CMSS1: variants seen among roughly 807,000 people sequenced by gnomAD.
CMSS1 encodes cms1 ribosomal small subunit homolog.
CMSS1 carries 33 observed loss-of-function variants against 43.5 expected under a neutral mutation model. The ratio of observed to expected loss-of-function variants is 0.76; its 90% confidence interval spans 0.57 to 1.01. The LOEUF (loss-of-function observed/expected upper bound fraction) is 1.01, where lower values mean the gene tolerates loss of function less well. Among genes scored for constraint, CMSS1 ranks in the 50% least tolerant of loss-of-function variants. The pLI is 0.00. For synonymous variants in CMSS1, 115 were observed against 117.2 expected (o/e 0.98, Z 0.12); for missense variants, 313 against 326.4 (o/e 0.96, Z 0.32).
chr3:99,923,575 C>T (rs530880086), intron 1 of CMSS1, among the ~76,000 whole-genome samples: 1 of 152,202 alleles, frequency 6.6e-6, no homozygotes, highest in East Asian at 1.9e-4. Context: ...CGCACACCCC[C>T]CTCCCAACCT....
chr3:100,172,271 T>G (rs1156478560), intron 7 of CMSS1, 45 bp from the exon 8 acceptor site: 1 of 1,541,304 alleles, frequency 6.5e-7, no homozygotes, highest in Admixed American at 1.7e-5. Flanking sequence ...AGATAGCACT[T>G]TCTTAATGAC....
At chr3:100,176,300 C>G (rs371957308) in intron 8 of CMSS1, 27 bp from the exon 9 acceptor site, 2 of 1,492,558 alleles carry the variant, frequency 1.3e-6, no homozygotes, top group Non-Finnish European at 1.9e-6. Flanking sequence ...GTCTTTACTA[C>G]AGCAACTCTC....
chr3:100,057,832 T>C (rs2065491385), intron 1 of CMSS1, among the ~76,000 whole-genome samples: 1 of 152,194 alleles, frequency 6.6e-6, no homozygotes. Context: ...GTCACTGCCC[T>C]CATCCTTGTT....
At chr3:99,856,774 A>G (rs1943986172) in intron 1 of CMSS1, among the ~76,000 whole-genome samples, 1 of 152,200 alleles carries the variant, frequency 6.6e-6, no homozygotes, top group Non-Finnish European at 1.5e-5. Context: ...TTTTATTTGC[A>G]GACACATATA....
rs373761022 is a variant in CMSS1 at position 99,818,047 on chromosome 3, C to G, written c.64+4C>G. 3.6e-5 allele frequency: 58 copies of G among 1,613,202 alleles called. No individual in the cohort carries two copies. Among genetic ancestry groups the G allele is most frequent in the Non-Finnish European group, 4.7e-5 (55 of 1,179,724 alleles). The stretch of plus-strand genomic sequence containing the variant: ...ACTGGAGCAGGCAGCAGCCCAGGTA[C>G]CCACTCTGTGCCCGCGCTCCTACGG... On this transcript the variant is annotated splice_donor_region_variant and intron_variant, in intron 1 of 9. Coordinates refer to ENST00000421999, the MANE Select transcript of CMSS1 (RefSeq NM_032359.4).
At chr3:100,001,973 A>G (rs947800999) in intron 1 of CMSS1, among the ~76,000 whole-genome samples, 2 of 152,156 alleles carry the variant, frequency 1.3e-5, no homozygotes, top group African/African-American at 2.4e-5. Context: ...GGGCTTGTCC[A>G]TATCCCCCCC....
At chr3:100,102,911 C>T (rs752584208) in intron 1 of CMSS1, among the ~76,000 whole-genome samples, 5 of 152,184 alleles carry the variant, frequency 3.3e-5, no homozygotes, top group Non-Finnish European at 4.4e-5. Context: ...TTTCCATCTA[C>T]CACTAAGTTC....
chr3:100,032,896 C>G (rs1432325032), intron 1 of CMSS1, among the ~76,000 whole-genome samples: 2 of 151,996 alleles, frequency 1.3e-5, no homozygotes, highest in Admixed American at 6.6e-5. Flanking sequence ...TACATTTATT[C>G]CCTGCAACAA....
intron 1 of CMSS1, among the ~76,000 whole-genome samples, chr3:100,070,974 A>G (rs1481091697): frequency 2.0e-5 from 3 of 151,892 alleles, no homozygotes; most frequent in African/African-American, 7.3e-5. Flanking sequence ...AATTCTCACT[A>G]TGTAATGCCC....
intron 2 of CMSS1, among the ~76,000 whole-genome samples, chr3:100,152,769 C>G (rs1341472740): frequency 6.6e-6 from 1 of 152,184 alleles, no homozygotes; most frequent in Admixed American, 6.5e-5. Flanking sequence ...CATATAATTT[C>G]AGAAAACTGT....
At position 99,917,988 on chromosome 3, in the gene CMSS1, T is replaced by G. The variant is rs759333790; in HGVS notation, c.64+99945T>G. Reference sequence around the variant, plus strand: ...TTGTTTTTTGTTTTGTTTTGTTTTGTTTTTTTTGAGACAGATTCTTGCTCT... The same window carrying G: ...TTGTTTTTTGTTTTGTTTTGTTTTGGTTTTTTTGAGACAGATTCTTGCTCT... On this transcript the variant is annotated intron_variant, in intron 1 of 9. Coordinates refer to ENST00000421999, the MANE Select transcript of CMSS1 (RefSeq NM_032359.4). Among the ~76,000 whole-genome samples, 6 of 151,822 alleles carry G rather than the reference T, an allele frequency of 4.0e-5. No individual in the cohort carries two copies. In the East Asian group the frequency reaches 5.8e-4, roughly 15 times the overall value.
At chr3:100,049,315 C>T (rs989765121) in intron 1 of CMSS1, among the ~76,000 whole-genome samples, 1 of 152,100 alleles carries the variant, frequency 6.6e-6, no homozygotes, top group Non-Finnish European at 1.5e-5. Flanking sequence ...TAGACTATTG[C>T]TCTTCTAGCT....
At chr3:99,955,895 C>G (rs1248663749) in intron 1 of CMSS1, among the ~76,000 whole-genome samples, 1 of 152,170 alleles carries the variant, frequency 6.6e-6, no homozygotes, top group African/African-American at 2.4e-5. Flanking sequence ...CGCATCTTCT[C>G]TGTTCTCCCA....
chr3:99,923,197 A>C (rs577139470), intron 1 of CMSS1, among the ~76,000 whole-genome samples: 1 of 151,600 alleles, frequency 6.6e-6, no homozygotes, highest in Non-Finnish European at 1.5e-5. Flanking sequence ...TTCTCACCAC[A>C]CCAACACCCA....
intron 1 of CMSS1, among the ~76,000 whole-genome samples, chr3:99,845,340 A>G (rs1011793436): frequency 3.3e-5 from 5 of 152,190 alleles, no homozygotes; most frequent in Non-Finnish European, 7.4e-5. Context: ...AAAGAGTTAA[A>G]GAGATAGTGG....
At chr3:99,850,600 C>T (rs1376117585) in intron 1 of CMSS1, 16 of 1,613,700 alleles carry the variant, frequency 9.9e-6, no homozygotes, top group Non-Finnish European at 1.4e-5. Context: ...TTCTCCCTTA[C>T]TGATTTTTTC....
chr3:99,849,707 C>T lies in CMSS1; in HGVS notation c.64+31664C>T, dbSNP rs772683165. 3.7e-6 allele frequency: 6 copies of T among 1,613,612 alleles called. No homozygotes were observed. The African/African-American group carries it at 5.3e-5, about 14-fold the overall frequency. On this transcript the variant is annotated intron_variant, in intron 1 of 9. Coordinates refer to ENST00000421999, the MANE Select transcript of CMSS1 (RefSeq NM_032359.4). Reference sequence around the variant, plus strand: ...TTAGCATACCTTCGTTCTAGAGTCTCATATTCATCTTCTGTTTTCATGAGG... The same window carrying T: ...TTAGCATACCTTCGTTCTAGAGTCTTATATTCATCTTCTGTTTTCATGAGG...
chr3:99,929,963 A>G, intron 1 of CMSS1: 1 of 1,614,078 alleles, frequency 6.2e-7, no homozygotes, highest in Non-Finnish European at 8.5e-7. Flanking sequence ...ACAAACCCAT[A>G]CTGAGCTTCC....
intron 1 of CMSS1, among the ~76,000 whole-genome samples, chr3:100,137,382 T>C (rs1451807438): frequency 1.3e-5 from 2 of 152,124 alleles, no homozygotes; most frequent in African/African-American, 2.4e-5. Flanking sequence ...AAGGAACAAT[T>C]CTACAGGAAG....
Sources: gnomAD v4.1 joint callset for allele counts (sites outside exome capture counted in the v4.1 genomes callset) on GRCh38, gnomAD v4.1.1 for gene constraint, MANE v1.5 for transcripts, NCBI Gene and HGNC (gene_info 2026-07-23, HGNC 2026-07-21) for gene names.